The following PARD3 variants were observed in gnomAD, a reference collection of about 807,000 sequenced individuals.
PARD3 encodes par-3 family cell polarity regulator.
Under a neutral mutation model 155.4 loss-of-function variants are expected in PARD3, and 75 were observed. The observed-to-expected ratio is 0.48, with a 90% CI of 0.40 to 0.58. The LOEUF (loss-of-function observed/expected upper bound fraction) is 0.58. Among genes scored for constraint, PARD3 ranks in the 20% least tolerant of loss-of-function variants. The pLI, the probability that PARD3 is intolerant of heterozygous loss-of-function variation, is 0.00. For missense variants in PARD3, 1,642 were observed against 1,721.7 expected (o/e 0.95, Z 0.82); for synonymous variants, 576 against 610.5 (o/e 0.94, Z 0.83).
At chr10:34,556,217 G>A (rs944304724) in intron 2 of PARD3, among the ~76,000 whole-genome samples, 3 of 152,100 alleles carry the variant, frequency 2.0e-5, no homozygotes, top group African/African-American at 4.8e-5. Context: ...GAAGAACCCG[G>A]TAGTACCGTT....
intron 15 of PARD3, among the ~76,000 whole-genome samples, chr10:34,347,407 G>A (rs1564612557): frequency 1.3e-5 from 2 of 152,134 alleles, no homozygotes; most frequent in Non-Finnish European, 2.9e-5. Flanking sequence ...TCCAAACAAA[G>A]GATGCAGAAG....
intron 4 of PARD3, among the ~76,000 whole-genome samples, chr10:34,467,329 T>TTGTGTGTG (rs61218571): frequency 0.049 from 7,201 of 147,008 alleles, 492 homozygotes; most frequent in African/African-American, 0.15. Flanking sequence ...TGACTCCAAC[T>TTGTGTGTG]TGTGTGTGTG....
chr10:34,538,889 G>A (rs1355705071), intron 2 of PARD3, among the ~76,000 whole-genome samples: 2 of 152,198 alleles, frequency 1.3e-5, no homozygotes, highest in Non-Finnish European at 2.9e-5. Flanking sequence ...AACACCAACC[G>A]TGACTTGCAA....
intron 2 of PARD3, among the ~76,000 whole-genome samples, chr10:34,649,722 A>G (rs1402222943): frequency 1.3e-5 from 2 of 152,232 alleles, no homozygotes; most frequent in Non-Finnish European, 2.9e-5. Context: ...TTTCTTCCAC[A>G]ATAAATTAAA....
At chr10:34,196,898 C>G (rs1950971081) in intron 22 of PARD3, among the ~76,000 whole-genome samples, 1 of 152,148 alleles carries the variant, frequency 6.6e-6, no homozygotes, top group Non-Finnish European at 1.5e-5. Context: ...AGGCCTGTGT[C>G]TGGGTGACAG....
At chr10:34,745,897 G>A (rs944283335) in intron 1 of PARD3, among the ~76,000 whole-genome samples, 7 of 152,242 alleles carry the variant, frequency 4.6e-5, no homozygotes, top group East Asian at 3.9e-4. Flanking sequence ...TCAGGAGATC[G>A]AGACCATCCT....
At chr10:34,191,770 A>G (rs1425524944) in intron 22 of PARD3, among the ~76,000 whole-genome samples, 2 of 152,138 alleles carry the variant, frequency 1.3e-5, no homozygotes, top group Non-Finnish European at 2.9e-5. Context: ...CTCCCCAGTG[A>G]AGAACAACAG....
intron 2 of PARD3, among the ~76,000 whole-genome samples, chr10:34,630,218 C>T (rs905129144): frequency 4.6e-5 from 7 of 152,192 alleles, no homozygotes; most frequent in Non-Finnish European, 8.8e-5. Flanking sequence ...CCTTGATCAC[C>T]AAAACTGGAA....
chr10:34,515,006 A>G (rs908331689), intron 3 of PARD3, among the ~76,000 whole-genome samples: 3 of 152,198 alleles, frequency 2.0e-5, no homozygotes, highest in Admixed American at 6.5e-5. Flanking sequence ...TTATTACTCA[A>G]ATAAAGACAC....
intron 1 of PARD3, among the ~76,000 whole-genome samples, chr10:34,814,545 G>A (rs1347423068): frequency 6.6e-6 from 1 of 152,014 alleles, no homozygotes; most frequent in African/African-American, 2.4e-5. Context: ...TCGGGGCTTG[G>A]CTGGGTCTGC....
intron 7 of PARD3, among the ~76,000 whole-genome samples, chr10:34,389,507 T>C (rs1164173984): frequency 1.3e-5 from 2 of 152,216 alleles, no homozygotes; most frequent in Admixed American, 6.5e-5. Flanking sequence ...AAGTAACAAA[T>C]GTTTTATTGA....
intron 22 of PARD3, among the ~76,000 whole-genome samples, chr10:34,209,512 T>G (rs1199409901): frequency 6.6e-6 from 1 of 152,158 alleles, no homozygotes; most frequent in Non-Finnish European, 1.5e-5. Context: ...GATATTAGTG[T>G]GTTGTGGGGG....
intron 21 of PARD3, among the ~76,000 whole-genome samples, chr10:34,277,722 TA>T (rs1466896872): frequency 6.6e-6 from 1 of 152,098 alleles, no homozygotes; most frequent in Non-Finnish European, 1.5e-5. Context: ...AAACTGGTTT[TA>T]AAATACAAAA....
intron 22 of PARD3, among the ~76,000 whole-genome samples, chr10:34,144,821 T>C (rs1453052350): frequency 6.6e-6 from 1 of 152,128 alleles, no homozygotes; most frequent in Admixed American, 6.5e-5. Context: ...AACAAGTCTA[T>C]CATGGCTTAT....
intron 22 of PARD3, among the ~76,000 whole-genome samples, chr10:34,143,000 G>T (rs984093157): frequency 6.6e-6 from 1 of 152,190 alleles, no homozygotes; most frequent in Non-Finnish European, 1.5e-5. Context: ...AAACTAAAAA[G>T]AGTGAAAAAC....
At chr10:34,259,897 T>C (rs568414660) in intron 22 of PARD3, among the ~76,000 whole-genome samples, 23 of 152,222 alleles carry the variant, frequency 1.5e-4, no homozygotes, top group South Asian at 4.2e-4. Flanking sequence ...CTGGAGAACA[T>C]TGGTACAACA....
chr10:34,813,802 G>A (rs1009793852), intron 1 of PARD3, among the ~76,000 whole-genome samples: 8 of 152,134 alleles, frequency 5.3e-5, no homozygotes, highest in African/African-American at 1.4e-4. Context: ...GGCCACTGTC[G>A]GGAACAAATG....
At chr10:34,618,388 A>C (rs2091407884) in intron 2 of PARD3, among the ~76,000 whole-genome samples, 2 of 152,308 alleles carry the variant, frequency 1.3e-5, no homozygotes, top group South Asian at 4.1e-4. Flanking sequence ...GCATACTTAA[A>C]ATAGCTTTTC....
intron 1 of PARD3, among the ~76,000 whole-genome samples, chr10:34,706,802 T>C (rs2094369804): frequency 6.6e-6 from 1 of 151,570 alleles, no homozygotes. Context: ...AAAGACGAGA[T>C]CCATAAAGTA....
Sources: gnomAD v4.1 joint callset for allele counts (sites outside exome capture counted in the v4.1 genomes callset) on GRCh38, gnomAD v4.1.1 for gene constraint, MANE v1.5 for transcripts, NCBI Gene and HGNC (gene_info 2026-07-23, HGNC 2026-07-21) for gene names.